Variants in C4BPB observed in about 807,000 individuals in gnomAD.
C4BPB encodes complement component 4 binding protein beta, also known as C4b-binding protein beta chain.
In C4BPB, 19 loss-of-function variants were observed where a neutral mutation model predicts 26.6. The ratio of observed to expected loss-of-function variants is 0.71; its 90% CI spans 0.50 to 1.05. The LOEUF (loss-of-function observed/expected upper bound fraction) is 1.05, where lower values mean the gene tolerates loss of function less well. Ranked by LOEUF, C4BPB falls within the 50% of genes least tolerant of loss-of-function variation. The pLI is 0.00. For missense variants in C4BPB, 282 were observed against 302.9 expected (o/e 0.93, Z 0.51); for synonymous variants, 118 against 103.5 (o/e 1.14, Z -0.85).
intron 4 of C4BPB, chr1:207,095,316 C>T (rs1258745521): frequency 2.2e-6 from 1 of 456,628 alleles, no homozygotes; most frequent in Admixed American, 2.3e-5. Context: ...CTCTTCCCTT[C>T]CAGCCATGTT....
chr1:207,099,635 A>G (rs918416091), intron 6 of C4BPB, among the ~76,000 whole-genome samples, 154 bp from the exon 7 acceptor site: 1 of 152,250 alleles, frequency 6.6e-6, no homozygotes, highest in Non-Finnish European at 1.5e-5. Context: ...CAGAAAATAT[A>G]AATGATTTGC....
At position 207,093,534 on chromosome 1, in the gene C4BPB, T is replaced by C. The variant is rs560967346; in HGVS notation, c.409+1714T>C. 2.0e-5 allele frequency among the ~76,000 whole-genome samples: 3 copies of C among 152,254 alleles called. No homozygotes were observed. In the East Asian group the frequency reaches 5.8e-4, roughly 29 times the overall value. ...AAGTCAGGAGGAAAAGTCTATTCAA[T>C]AGTGATGGAATAATTATCTATTTGG... On this transcript the variant is annotated intron_variant, in intron 4 of 6. Coordinates refer to ENST00000367078, the MANE Select transcript of C4BPB (RefSeq NM_001017365.3).
intron 5 of C4BPB, chr1:207,097,879 C>T (rs151291993): frequency 3.1e-4 from 91 of 291,470 alleles, no homozygotes; most frequent in African/African-American, 1.8e-3. Flanking sequence ...CCACCCAAAA[C>T]CTGGGTGTGT....
In C4BPB at chr1:207,090,456, G is replaced by T; in HGVS notation, c.207G>T (p.Trp69Cys). 1 of 1,612,960 alleles carries T rather than the reference G, an allele frequency of 6.2e-7. No homozygotes were observed. Among genetic ancestry groups the T allele is most frequent in the Non-Finnish European group, 8.5e-7 (1 of 1,179,454 alleles). Residue 69 changes from tryptophan to cysteine, a missense_variant, in exon 3 of 7, where the codon TGG (tryptophan) becomes TGT (cysteine). Transcript: ENST00000367078. ...TTTTTTGCAATGCCTCTAAGGAGTG[G>T]GATAACACCACTACTGAGTGCCGCT... The part of the protein sequence containing the change: ...KTLFCNASKE[W>C]DNTTTECRLG...
chr1:207,097,216 G>T (rs561828243), intron 5 of C4BPB, among the ~76,000 whole-genome samples: 17 of 151,614 alleles, frequency 1.1e-4, no homozygotes, highest in Middle Eastern at 3.4e-3. Flanking sequence ...TTGTTTTTTT[G>T]TTGTTGTTAT....
intron 5 of C4BPB, 38 bp from the exon 6 acceptor site, chr1:207,098,108 CAGAA>C: frequency 6.6e-7 from 1 of 1,504,864 alleles, no homozygotes; most frequent in Non-Finnish European, 9.2e-7. Flanking sequence ...TTACCCAATT[CAGAA>C]AGTGGAAAAG....
chr1:207,093,255 A>G (rs770574613), intron 4 of C4BPB, among the ~76,000 whole-genome samples: 8 of 152,200 alleles, frequency 5.3e-5, no homozygotes, highest in African/African-American at 9.6e-5. Context: ...CAGGATTTTA[A>G]ATTCAAAAAT....
chr1:207,093,533 A>G (rs1444406932), intron 4 of C4BPB, among the ~76,000 whole-genome samples: 9 of 152,220 alleles, frequency 5.9e-5, no homozygotes, highest in Non-Finnish European at 8.8e-5. Context: ...AGTCTATTCA[A>G]TAGTGATGGA....
At chr1:207,097,540 T>TAAAAAA (rs36078505) in intron 5 of C4BPB, among the ~76,000 whole-genome samples, 4 of 115,846 alleles carry the variant, frequency 3.5e-5, no homozygotes, top group Non-Finnish European at 7.1e-5. Context: ...TATGTTTTTC[T>TAAAAAA]AAAAAAAAAA....
chr1:207,099,489 T>C lies in C4BPB; in HGVS notation c.619-300T>C, dbSNP rs372930798. On this transcript the variant is annotated intron_variant, in intron 6 of 6. Coordinates refer to ENST00000367078, the MANE Select transcript of C4BPB (RefSeq NM_001017365.3). ...GAGCAAAGCACATAAGCACAATGCG[T>C]GAGAATTGGAAAAGTCTCTAAAATT... Among the ~76,000 whole-genome samples the C allele has an allele frequency of 2.6e-5, 4 of 152,344 alleles. No individual in the cohort carries two copies. The East Asian group carries it at 7.7e-4, about 29-fold the overall frequency.
chr1:207,090,604 C>A, intron 3 of C4BPB, 123 bp downstream of exon 3: 2 of 830,178 alleles, frequency 2.4e-6, no homozygotes, highest in Non-Finnish European at 3.6e-6. Context: ...TTCTAGGAGA[C>A]CTCTTTTAAA....
At chr1:207,097,025 TA>T in intron 5 of C4BPB, among the ~76,000 whole-genome samples, 1 of 151,962 alleles carries the variant, frequency 6.6e-6, no homozygotes, top group East Asian at 1.9e-4. Flanking sequence ...ATACAAAAAT[TA>T]GCTGGGCGTG....
chr1:207,095,702 A>T, intron 4 of C4BPB: 1 of 333,342 alleles, frequency 3.0e-6, no homozygotes, highest in Non-Finnish European at 5.8e-6. Context: ...ATTGAATTGT[A>T]ATCTCCAGTG....
At chr1:207,089,456 A>T in intron 1 of C4BPB, 26 bp from the exon 2 acceptor site, 1 of 1,305,424 alleles carries the variant, frequency 7.7e-7, no homozygotes, top group Non-Finnish European at 1.1e-6. Flanking sequence ...AAGCAGTGTT[A>T]GAAGATCTAT....
rs774251628 is a variant in C4BPB at position 207,099,942 on chromosome 1, G to A, written c.*13G>A. The A allele has an allele frequency of 1.3e-6, 2 of 1,598,612 alleles. No homozygotes were observed. The highest frequency in any genetic ancestry group is 1.7e-6 in the Non-Finnish European group (2 of 1,174,422). ...AAAATTGTTGTAACACTACAGCTGAGCAGATGTAATAGAAATAAACCTATG... is the reference window on the plus strand; with the variant it reads ...AAAATTGTTGTAACACTACAGCTGAACAGATGTAATAGAAATAAACCTATG... On this transcript the variant is annotated 3_prime_UTR_variant, in exon 7 of 7. Transcript: ENST00000367078.
intron 3 of C4BPB, 38 bp from the exon 4 acceptor site, chr1:207,091,606 C>G: frequency 6.3e-7 from 1 of 1,582,792 alleles, no homozygotes; most frequent in Non-Finnish European, 8.6e-7. Context: ...TGGGCTTCAG[C>G]TTTGCCCTTT....
chr1:207,097,063 C>T (rs367972387), intron 5 of C4BPB, among the ~76,000 whole-genome samples: 49 of 152,256 alleles, frequency 3.2e-4, no homozygotes, highest in East Asian at 1.2e-3. Flanking sequence ...ATCCCAGCTA[C>T]TCAGGAGGCT....
Position 207,090,331 on chromosome 1 carries a change from C to A in C4BPB, c.82C>A (p.Pro28Thr). Residue 28 changes from proline to threonine, a missense_variant, in exon 3 of 7, where the codon CCA becomes ACA. Physicochemically the swap from Pro to Thr is conservative, Grantham distance 38. Coordinates refer to ENST00000367078, the MANE Select transcript of C4BPB (RefSeq NM_001017365.3). ...SDAEHCPELPPVDNSIFVAKE... is the reference protein window; with the variant it reads ...SDAEHCPELPTVDNSIFVAKE... ...AGCAGAGCACTGTCCAGAGCTTCCT[C>A]CAGTGGACAATAGCATATTTGTCGC... 5 of 1,613,202 alleles carry A rather than the reference C, an allele frequency of 3.1e-6. No homozygotes were observed. The highest frequency in any genetic ancestry group is 1.1e-5 in the South Asian group (1 of 90,972).
chr1:207,096,441 A>T, intron 4 of C4BPB, 81 bp from the exon 5 acceptor site: 1 of 845,256 alleles, frequency 1.2e-6, no homozygotes, highest in Non-Finnish European at 2.1e-6. Context: ...AGGTGCTGGC[A>T]TAAACAGCTG....
Sources: gnomAD v4.1 joint callset for allele counts (sites outside exome capture counted in the v4.1 genomes callset) on GRCh38, gnomAD v4.1.1 for gene constraint, MANE v1.5 for transcripts, NCBI Gene and HGNC (gene_info 2026-07-23, HGNC 2026-07-21) for gene names.